STX7: variants seen among roughly 807,000 people sequenced by gnomAD.
The protein encoded by STX7 is syntaxin-7.
STX7 carries 34 observed loss-of-function variants against 39.6 expected under a neutral mutation model. The observed-to-expected ratio is 0.86, with a 90% confidence interval of 0.65 to 1.14. The LOEUF (loss-of-function observed/expected upper bound fraction) is 1.14. Ranked by LOEUF, STX7 falls within the 50% of genes most tolerant of loss-of-function variation. The pLI is 0.00. For synonymous variants in STX7, 119 were observed against 99.1 expected (o/e 1.20, Z -1.19); for missense variants, 284 against 310.4 (o/e 0.92, Z 0.64).
At chr6:132,461,762 C>G (rs904515233) in intron 9 of STX7, 6 of 1,425,016 alleles carry the variant, frequency 4.2e-6, no homozygotes, top group Non-Finnish European at 5.6e-6. Flanking sequence ...CATTGAAAAC[C>G]GAATGGTTAA....
In STX7 at chr6:132,459,543, A is replaced by C. The variant is rs991213492; in HGVS notation, c.*1215T>G. The C allele has an allele frequency of 5.9e-5, 9 of 152,280 alleles. No homozygotes were observed. Among genetic ancestry groups the C allele is most frequent in the African/African-American group, 1.9e-4 (8 of 41,578 alleles). 9.4% of individuals were successfully genotyped at this position (152,280 alleles called of 1,614,324 possible). ...TTTAACTCATCTTTATTTTGGTTGCAAAGATGTGGTTTACTTAGCTACTTA... is the reference window on the plus strand; with the variant it reads ...TTTAACTCATCTTTATTTTGGTTGCCAAGATGTGGTTTACTTAGCTACTTA... On this transcript the variant is annotated 3_prime_UTR_variant, in exon 10 of 10. Transcript: ENST00000367941.
chr6:132,501,653 G>C (rs1775561225), intron 2 of STX7, among the ~76,000 whole-genome samples: 2 of 151,920 alleles, frequency 1.3e-5, no homozygotes, highest in South Asian at 4.1e-4. Flanking sequence ...TCTCAGTACA[G>C]GACAGTCATT....
rs1163065156 is a variant in STX7 at position 132,448,955 on chromosome 6, G to A, written c.*11803C>T. 1 of 150,474 alleles carries A rather than the reference G, an allele frequency of 6.6e-6. No homozygotes were observed. Among genetic ancestry groups the A allele is most frequent in the African/African-American group, 2.4e-5 (1 of 40,988 alleles). The allele number at this position is 150,474 out of a possible 1,614,324, so 9.3% of individuals were successfully genotyped here. A position where few individuals can be genotyped will look rare whatever the true frequency, so the allele number is the denominator to read the frequency against. ...TATTGTTCTGAAGTTTGAGTATAAT[G>A]AATATACATTGGCTTCCTTTTCCTG... On this transcript the variant is annotated 3_prime_UTR_variant, in exon 10 of 10. Transcript: ENST00000367941.
Position 132,460,806 on chromosome 6 carries a change from G to A in STX7, c.738C>T (p.Val246=). The change falls in exon 10 of 10, where the codon GTC becomes GTT. Residue 246 remains valine (V), a synonymous_variant. Transcript: ENST00000367941. ...TGAGACTGATAATCGCAACTCCAAT[G>A]ACAAGGATAAGAATGATGATGCACA... ...KTLCIIILIL[V]IGVAIISLII... 1.9e-6 allele frequency: 3 copies of A among 1,613,598 alleles called. No individual in the cohort carries two copies. Among genetic ancestry groups the A allele is most frequent in the Non-Finnish European group, 2.5e-6 (3 of 1,179,788 alleles).
chr6:132,494,360 G>A (rs1384641400), intron 2 of STX7, among the ~76,000 whole-genome samples: 1 of 152,014 alleles, frequency 6.6e-6, no homozygotes, highest in Non-Finnish European at 1.5e-5. Context: ...GGGGGCCAAG[G>A]TTTTAGTAGG....
chr6:132,470,123 T>G (rs1774677097), intron 6 of STX7, 76 bp from the exon 7 acceptor site: 1 of 1,063,268 alleles, frequency 9.4e-7, no homozygotes. Flanking sequence ...CTATTTAAGA[T>G]ATATTCATTA....
At chr6:132,480,649 A>G (rs1774994223) in intron 2 of STX7, among the ~76,000 whole-genome samples, 1 of 152,196 alleles carries the variant, frequency 6.6e-6, no homozygotes, top group Admixed American at 6.5e-5. Context: ...GCCTGATAAT[A>G]CTGCCATCTT....
chr6:132,496,248 C>G (rs1228796763), intron 2 of STX7, among the ~76,000 whole-genome samples: 1 of 152,060 alleles, frequency 6.6e-6, no homozygotes, highest in East Asian at 1.9e-4. Flanking sequence ...ACATCTTCCT[C>G]TTTCAGGTTA....
In STX7 at chr6:132,510,824, G is replaced by T. The variant is rs574920116; in HGVS notation, c.-59+2183C>A. 7.9e-5 allele frequency among the ~76,000 whole-genome samples: 12 copies of T among 152,326 alleles called. No individual in the cohort carries two copies. The Middle Eastern group carries it at 0.01, about 130-fold the overall frequency. On this transcript the variant is annotated intron_variant, in intron 1 of 9. Transcript: ENST00000367941. ...CTCAGATGAGAGTCTTCTCAAGACG[G>T]CTTCTAAAGAACACAAAGGAATGAA...
intron 2 of STX7, among the ~76,000 whole-genome samples, chr6:132,485,501 G>A (rs1582666186): frequency 6.6e-6 from 1 of 152,128 alleles, no homozygotes; most frequent in South Asian, 2.1e-4. Context: ...CTTTGTATGG[G>A]CATATATTTA....
At chr6:132,486,227 G>T (rs1402255246) in intron 2 of STX7, among the ~76,000 whole-genome samples, 2 of 152,072 alleles carry the variant, frequency 1.3e-5, no homozygotes, top group African/African-American at 4.8e-5. Context: ...GCACTAGATG[G>T]ATCCTCTAGT....
intron 2 of STX7, among the ~76,000 whole-genome samples, chr6:132,479,506 C>T (rs1303600652): frequency 1.3e-5 from 2 of 152,226 alleles, no homozygotes. Context: ...AACCAAGTGA[C>T]TCTAGCTGTT....
At chr6:132,480,433 T>C (rs1774987520) in intron 2 of STX7, among the ~76,000 whole-genome samples, 1 of 152,190 alleles carries the variant, frequency 6.6e-6, no homozygotes. Flanking sequence ...AGTCCAATAT[T>C]TCACGATTAC....
chr6:132,512,806 AC>A (rs1775886101), intron 1 of STX7, among the ~76,000 whole-genome samples, 200 bp downstream of exon 1: 1 of 152,042 alleles, frequency 6.6e-6, no homozygotes, highest in Admixed American at 6.5e-5. Flanking sequence ...GCGCCCTTGC[AC>A]CCGGCCGGGG....
At chr6:132,502,830 C>T (rs12333184) in intron 2 of STX7, among the ~76,000 whole-genome samples, 3,360 of 151,858 alleles carry the variant, frequency 0.022, 106 homozygotes, top group African/African-American at 0.075. Flanking sequence ...ACCTGGGAGG[C>T]GGAGCTTGCA....
chr6:132,469,885 T>A (rs1414079651), intron 7 of STX7, 66 bp downstream of exon 7: 1 of 1,335,666 alleles, frequency 7.5e-7, no homozygotes, highest in Non-Finnish European at 1.0e-6. Context: ...CAGCATTACC[T>A]AAGCATCTTG....
Position 132,448,885 on chromosome 6 carries a change from A to G in STX7, c.*11873T>C, listed in dbSNP as rs1774079842. On this transcript the variant is annotated 3_prime_UTR_variant, in exon 10 of 10. Coordinates refer to ENST00000367941, the MANE Select transcript of STX7 (RefSeq NM_003569.3). Reference sequence around the variant, plus strand: ...GGTCTGTCAATTCGTTATTCCTTTAAAAGTGGATAAGTTATTCTGGCTGCT... The same window carrying G: ...GGTCTGTCAATTCGTTATTCCTTTAGAAGTGGATAAGTTATTCTGGCTGCT... 1 of 151,860 alleles carries G rather than the reference A, an allele frequency of 6.6e-6. No homozygotes were observed. Among genetic ancestry groups the G allele is most frequent in the South Asian group, 2.1e-4 (1 of 4,822 alleles). The allele number at this position is 151,860 out of a possible 1,614,324, so 9.4% of individuals were successfully genotyped here.
In STX7 at chr6:132,460,803, A is replaced by G; in HGVS notation, c.741T>C (p.Ile247=). 7.4e-6 allele frequency: 12 copies of G among 1,613,700 alleles called. No homozygotes were observed. Among genetic ancestry groups the G allele is most frequent in the Non-Finnish European group, 1.0e-5 (12 of 1,179,802 alleles). The change falls in exon 10 of 10, where the codon ATT becomes ATC. Residue 247 remains isoleucine, a synonymous_variant. Transcript: ENST00000367941. ...TLCIIILILV[I]GVAIISLIIW... ...TGATGAGACTGATAATCGCAACTCC[A>G]ATGACAAGGATAAGAATGATGATGC...
In STX7 at chr6:132,468,492, A is replaced by G. The variant is rs1582649961; in HGVS notation, c.538-17T>C. ...AATATCAGCCTAAGAGAAAACGCAT[A>G]TATTATTATAATCAGAAATTCAGTC... On this transcript the variant is annotated splice_polypyrimidine_tract_variant and intron_variant, in intron 7 of 9. Transcript: ENST00000367941. 2.5e-6 allele frequency: 4 copies of G among 1,571,772 alleles called. No homozygotes were observed. The highest frequency in any genetic ancestry group is 2.2e-5 in the East Asian group (1 of 44,480).
Sources: gnomAD v4.1 joint callset for allele counts (sites outside exome capture counted in the v4.1 genomes callset) on GRCh38, gnomAD v4.1.1 for gene constraint, MANE v1.5 for transcripts, NCBI Gene and HGNC (gene_info 2026-07-23, HGNC 2026-07-21) for gene names.